The following SNTB2 variants were observed in gnomAD, a reference collection of about 807,000 sequenced individuals.
SNTB2 encodes beta-2-syntrophin.
SNTB2 carries 34 observed loss-of-function variants against 46.2 expected under a neutral mutation model. The observed-to-expected ratio is 0.74, with a 90% CI of 0.56 to 0.98. The LOEUF (loss-of-function observed/expected upper bound fraction) is 0.98. Among genes scored for constraint, SNTB2 ranks in the 50% least tolerant of loss-of-function variants. The probability of loss-of-function intolerance (pLI) is 0.00; values close to 1 mark genes in which losing one functional copy is unlikely to be tolerated. For missense variants in SNTB2, 603 were observed against 731.4 expected (o/e 0.82, Z 2.02); for synonymous variants, 290 against 312.6 (o/e 0.93, Z 0.76).
chr16:69,212,729 G>C (rs1964301357), intron 1 of SNTB2, among the ~76,000 whole-genome samples: 1 of 152,070 alleles, frequency 6.6e-6, no homozygotes, highest in African/African-American at 2.4e-5. Context: ...CCGCCTCCTG[G>C]GTTCAAGCGA....
intron 5 of SNTB2, among the ~76,000 whole-genome samples, chr16:69,287,079 C>A (rs1266558010): frequency 6.6e-6 from 1 of 152,118 alleles, no homozygotes; most frequent in Non-Finnish European, 1.5e-5. Context: ...CCAACACTTA[C>A]TCAAATAAGT....
intron 1 of SNTB2, among the ~76,000 whole-genome samples, chr16:69,206,215 G>A (rs111532510): frequency 9.9e-5 from 15 of 152,070 alleles, no homozygotes; most frequent in African/African-American, 3.1e-4. Flanking sequence ...GCCTAGGGTG[G>A]TCTCGAACTC....
chr16:69,210,314 T>C (rs1474779792), intron 1 of SNTB2, among the ~76,000 whole-genome samples: 1 of 148,122 alleles, frequency 6.8e-6, no homozygotes, highest in African/African-American at 2.5e-5. Context: ...CTTGGCTCAC[T>C]GTAACCTACA....
intron 1 of SNTB2, among the ~76,000 whole-genome samples, chr16:69,189,117 A>G (rs1186552491): frequency 6.6e-6 from 1 of 152,162 alleles, no homozygotes; most frequent in Non-Finnish European, 1.5e-5. Flanking sequence ...TATTTGGAAA[A>G]ATACTGATTT....
At position 69,304,053 on chromosome 16, in the gene SNTB2, G is replaced by A. The variant is rs552346454; in HGVS notation, c.*3129G>A. On this transcript the variant is annotated 3_prime_UTR_variant, in exon 7 of 7. Transcript: ENST00000336278. ...TTCCACACAGATGCCTAGGAGCAGC[G>A]AGTTGGTATATGAAAAGTCTCCCAC... The A allele has an allele frequency of 6.6e-6, 1 of 152,246 alleles. No individual in the cohort carries two copies. Among genetic ancestry groups the A allele is most frequent in the African/African-American group, 2.4e-5 (1 of 41,530 alleles). The allele number at this position is 152,246 out of a possible 1,614,324, so 9.4% of individuals were successfully genotyped here. A position where few individuals can be genotyped will look rare whatever the true frequency, so the allele number is the denominator to read the frequency against.
At chr16:69,267,772 C>A (rs1172665655) in intron 3 of SNTB2, among the ~76,000 whole-genome samples, 1 of 152,074 alleles carries the variant, frequency 6.6e-6, no homozygotes, top group Non-Finnish European at 1.5e-5. Flanking sequence ...CCACACATGC[C>A]ACTTTCAGAT....
intron 1 of SNTB2, among the ~76,000 whole-genome samples, chr16:69,234,642 G>A (rs773588716): frequency 1.2e-4 from 18 of 151,598 alleles, no homozygotes; most frequent in Non-Finnish European, 2.2e-4. Flanking sequence ...CAACTGATAA[G>A]GAAAGGAACA....
intron 2 of SNTB2, among the ~76,000 whole-genome samples, chr16:69,257,734 C>T (rs1244651141): frequency 3.3e-5 from 5 of 152,080 alleles, no homozygotes; most frequent in South Asian, 2.1e-4. Context: ...CGTAAGCCAC[C>T]GCGCCCAGCC....
At chr16:69,243,041 A>G (rs1050598216) in intron 1 of SNTB2, among the ~76,000 whole-genome samples, 3 of 150,076 alleles carry the variant, frequency 2.0e-5, no homozygotes, top group Non-Finnish European at 3.0e-5. Context: ...AAAAAAAAAA[A>G]GGGATACATG....
chr16:69,228,519 A>G (rs1405060525), intron 1 of SNTB2, among the ~76,000 whole-genome samples: 1 of 151,686 alleles, frequency 6.6e-6, no homozygotes, highest in East Asian at 1.9e-4. Flanking sequence ...AAAAAAAAAA[A>G]AAAAAAAAGA....
intron 4 of SNTB2, among the ~76,000 whole-genome samples, chr16:69,281,811 C>T (rs1360962339): frequency 6.7e-6 from 1 of 149,254 alleles, no homozygotes; most frequent in Non-Finnish European, 1.5e-5. Flanking sequence ...CCATTGTGCT[C>T]CAGCCTGGGC....
At chr16:69,280,484 C>CG in intron 4 of SNTB2, among the ~76,000 whole-genome samples, 2 of 150,166 alleles carry the variant, frequency 1.3e-5, no homozygotes, top group Non-Finnish European at 3.0e-5. Context: ...GCTGGCTGGG[C>CG]GGGGGGCTGA....
chr16:69,297,391 G>A (rs186782657), intron 5 of SNTB2, among the ~76,000 whole-genome samples: 147 of 151,706 alleles, frequency 9.7e-4, no homozygotes, highest in African/African-American at 3.3e-3. Flanking sequence ...AGGCCAAGGC[G>A]GGCAGATCAC....
chr16:69,205,475 G>A (rs1193947519), intron 1 of SNTB2, among the ~76,000 whole-genome samples: 2 of 151,970 alleles, frequency 1.3e-5, no homozygotes, highest in Non-Finnish European at 2.9e-5. Flanking sequence ...TGGGATTACA[G>A]GTGTGAGCCA....
intron 2 of SNTB2, among the ~76,000 whole-genome samples, chr16:69,247,069 TTA>T: frequency 6.9e-6 from 1 of 145,738 alleles, no homozygotes; most frequent in Non-Finnish European, 1.5e-5. Context: ...TATATATATA[TTA>T]AAAAAAAAAA....
At chr16:69,258,203 T>G (rs1359494045) in intron 2 of SNTB2, among the ~76,000 whole-genome samples, 2 of 152,212 alleles carry the variant, frequency 1.3e-5, no homozygotes, top group Non-Finnish European at 2.9e-5. Context: ...TCATTGGCAG[T>G]TTGTCAATTT....
rs559037884 is a variant in SNTB2, at chr16:69,274,392, G to A, written c.1148+4107G>A. On this transcript the variant is annotated intron_variant, in intron 4 of 6. Transcript: ENST00000336278. ...GCTCTGGCCCAGCGTGGTGGCTCAC[G>A]CCTGTAATCCCAGCACTTTGGGAGG... is the stretch of plus-strand genomic sequence containing the variant. Among the ~76,000 whole-genome samples, 11 of 151,880 alleles carry A rather than the reference G, an allele frequency of 7.2e-5. No homozygotes were observed. In the East Asian group the frequency reaches 1.2e-3, roughly 16 times the overall value.
intron 1 of SNTB2, among the ~76,000 whole-genome samples, chr16:69,216,306 T>A (rs1364171614): frequency 4.6e-5 from 7 of 152,190 alleles, no homozygotes; most frequent in African/African-American, 7.2e-5. Flanking sequence ...TTTCACAATT[T>A]TTAAAATTAT....
chr16:69,253,264 A>G (rs1250883743), intron 2 of SNTB2, among the ~76,000 whole-genome samples: 4 of 152,086 alleles, frequency 2.6e-5, no homozygotes, highest in Non-Finnish European at 4.4e-5. Flanking sequence ...CATCGGTCCT[A>G]TTTTGGAGCT....
Sources: gnomAD v4.1 joint callset for allele counts (sites outside exome capture counted in the v4.1 genomes callset) on GRCh38, gnomAD v4.1.1 for gene constraint, MANE v1.5 for transcripts, NCBI Gene and HGNC (gene_info 2026-07-23, HGNC 2026-07-21) for gene names.